PLA2G6: variants seen among roughly 807,000 people sequenced by gnomAD.
The protein encoded by PLA2G6 is 85/88 kDa calcium-independent phospholipase A2.
A neutral mutation model predicts 83.8 loss-of-function variants in PLA2G6; 62 were observed. That is an observed-to-expected ratio of 0.74 (90% confidence interval 0.60 to 0.91). The LOEUF is 0.91. PLA2G6 is among the 40% of genes least tolerant of loss of function. The pLI is 0.00. For synonymous variants in PLA2G6, 417 were observed against 449.8 expected (o/e 0.93, Z 0.92); for missense variants, 944 against 1,102.0 (o/e 0.86, Z 2.03).
intron 2 of PLA2G6, among the ~76,000 whole-genome samples, chr22:38,152,938 C>G (rs955966231): frequency 6.6e-6 from 1 of 151,428 alleles, no homozygotes; most frequent in Non-Finnish European, 1.5e-5. Context: ...ATGGAATGCA[C>G]ATAGGTATAG....
intron 9 of PLA2G6, chr22:38,127,457 G>T: frequency 7.5e-7 from 1 of 1,330,814 alleles, no homozygotes; most frequent in Admixed American, 2.1e-5. Context: ...TTGGGTGACT[G>T]CCTGCAAAAT....
At chr22:38,125,872 T>C (rs990220800) in intron 10 of PLA2G6, among the ~76,000 whole-genome samples, 17 of 152,220 alleles carry the variant, frequency 1.1e-4, no homozygotes, top group Admixed American at 4.6e-4. Flanking sequence ...CCCGGGATTA[T>C]GCCTGAAGGG....
Position 38,112,146 on chromosome 22 carries a change from AG to A in PLA2G6, c.*14del, listed in dbSNP as rs1369792417. On this transcript the variant is annotated 3_prime_UTR_variant, in exon 17 of 17. Coordinates refer to ENST00000332509, the MANE Select transcript of PLA2G6 (RefSeq NM_003560.4). ...TGGACGAGGTCAGCTGGGGCCGGTG[AG>A]AGGCTGGGGACCCTCAGGGTGAGAG... The A allele has an allele frequency of 2.5e-6, 4 of 1,571,300 alleles. No individual in the cohort carries two copies. In the African/African-American group the frequency reaches 4.0e-5, roughly 16 times the overall value.
At chr22:38,129,872 C>T (rs1272908946) in intron 7 of PLA2G6, among the ~76,000 whole-genome samples, 1 of 152,222 alleles carries the variant, frequency 6.6e-6, no homozygotes, top group Non-Finnish European at 1.5e-5. Flanking sequence ...GCATCTGTGA[C>T]CCCGACCCAG....
At chr22:38,181,300 A>G (rs1386368300) in intron 1 of PLA2G6, among the ~76,000 whole-genome samples, 1 of 152,180 alleles carries the variant, frequency 6.6e-6, no homozygotes, top group African/African-American at 2.4e-5. Flanking sequence ...CAGGAGAAGC[A>G]GGGAGTGAGA....
intron 2 of PLA2G6, chr22:38,150,691 G>A (rs1273558698): frequency 6.6e-6 from 1 of 152,152 alleles, no homozygotes; most frequent in East Asian, 1.9e-4. Context: ...AAATAGCAGA[G>A]GGAAAAAAGT....
At chr22:38,143,499 A>C in intron 3 of PLA2G6, 1 of 646,168 alleles carries the variant, frequency 1.5e-6, no homozygotes, top group South Asian at 1.7e-5. Context: ...CAGTTTGCTC[A>C]CTCGTACAAG....
At chr22:38,180,140 G>GACACACACACAC (rs133028) in intron 1 of PLA2G6, among the ~76,000 whole-genome samples, 22 of 137,916 alleles carry the variant, frequency 1.6e-4, no homozygotes, top group Admixed American at 4.4e-4. Context: ...GATGTCTGCA[G>GACACACACACAC]ACACACACAC....
intron 14 of PLA2G6, among the ~76,000 whole-genome samples, chr22:38,114,203 C>T (rs1469953497): frequency 1.4e-5 from 2 of 144,994 alleles, no homozygotes; most frequent in East Asian, 2.0e-4. Context: ...TTTTTTGAGA[C>T]GGAGTCTCGC....
intron 4 of PLA2G6, 61 bp from the exon 5 acceptor site, chr22:38,140,230 G>A (rs1317938229): frequency 9.4e-6 from 14 of 1,494,422 alleles, no homozygotes; most frequent in African/African-American, 4.1e-5. Context: ...TAAAGAGGCC[G>A]GGCGCAGTGG....
chr22:38,120,738 C>G, intron 12 of PLA2G6, 21 bp downstream of exon 12: 1 of 1,613,002 alleles, frequency 6.2e-7, no homozygotes, highest in Non-Finnish European at 8.5e-7. Flanking sequence ...GCGGCCACGG[C>G]CCCAGTGCGC....
chr22:38,128,434 G>T lies in PLA2G6; in HGVS notation c.1187-4C>A, dbSNP rs753861544. The T allele has an allele frequency of 5.6e-6, 9 of 1,614,006 alleles. No individual in the cohort carries two copies. The highest frequency in any genetic ancestry group is 2.2e-5 in the South Asian group (2 of 91,080). ...AAGATCGCCTTCCTGGTGACAACTT[G>T]TCATGGTTTGGGGAAGGGGAGATGG... On this transcript the variant is annotated splice_region_variant and splice_polypyrimidine_tract_variant and intron_variant, in intron 8 of 16. Coordinates refer to ENST00000332509, the MANE Select transcript of PLA2G6 (RefSeq NM_003560.4). The surrounding 1 kb of genome is among the most constrained non-coding windows in gnomAD (Gnocchi z 4.4).
intron 2 of PLA2G6, 100 bp from the exon 3 acceptor site, chr22:38,145,753 G>A: frequency 1.4e-6 from 1 of 713,446 alleles, no homozygotes; most frequent in Non-Finnish European, 2.4e-6. Context: ...CTGCGGCCTG[G>A]CCAGCTCCAG....
chr22:38,165,371 T>C (rs1001223456), intron 2 of PLA2G6, among the ~76,000 whole-genome samples: 1 of 151,850 alleles, frequency 6.6e-6, no homozygotes, highest in Non-Finnish European at 1.5e-5. Context: ...ACGGGTGCCA[T>C]GGGATGCCCA....
intron 12 of PLA2G6, among the ~76,000 whole-genome samples, chr22:38,119,423 C>T (rs1401874519): frequency 6.6e-6 from 1 of 152,142 alleles, no homozygotes; most frequent in Admixed American, 6.5e-5. Flanking sequence ...ATACAAAAAT[C>T]AATTCCAGGT....
intron 2 of PLA2G6, among the ~76,000 whole-genome samples, chr22:38,167,328 C>G (rs1365521253): frequency 6.6e-6 from 1 of 152,140 alleles, no homozygotes; most frequent in Non-Finnish European, 1.5e-5. Context: ...ACTAAATCCT[C>G]CTGGGATGGA....
In PLA2G6 at chr22:38,169,241, G is replaced by C. The variant is rs765525768; in HGVS notation, c.186C>G (p.Pro62=). 2 of 1,613,846 alleles carry C rather than the reference G, an allele frequency of 1.2e-6. No individual in the cohort carries two copies. Among genetic ancestry groups the C allele is most frequent in the Admixed American group, 1.7e-5 (1 of 60,000 alleles). Residue 62 remains proline (P), a synonymous_variant, in exon 2 of 17, where the codon CCC becomes CCG. Coordinates refer to ENST00000332509, the MANE Select transcript of PLA2G6 (RefSeq NM_003560.4). ...ACCGGAATCCACTCTGTGAGTTCCT[G>C]GGGTTGACCAGGACGCAGTCCCAGG... ...NRTWDCVLVN[P]RNSQSGFRLF... is the part of the protein sequence containing the mutation.
chr22:38,116,138 C>G lies in PLA2G6; in HGVS notation c.1816G>C (p.Glu606Gln), dbSNP rs753504383. ...LHLFRNYDAP[E>Q]TVREPRFNQN... is the part of the protein sequence containing the mutation. Reference sequence around the variant, plus strand: ...TTGAAACGAGGCTCCCGGACAGTTTCTGGAGCATCGTAGTTCCGGAAGAGG... The same window carrying G: ...TTGAAACGAGGCTCCCGGACAGTTTGTGGAGCATCGTAGTTCCGGAAGAGG... The change falls in exon 13 of 17, where the codon GAA (glutamate) becomes CAA (glutamine). Residue 606 changes from glutamate (E) to glutamine (Q), a missense_variant. Coordinates refer to ENST00000332509, the MANE Select transcript of PLA2G6 (RefSeq NM_003560.4). The G allele has an allele frequency of 6.2e-7, 1 of 1,614,114 alleles. No homozygotes were observed. Among genetic ancestry groups the G allele is most frequent in the Non-Finnish European group, 8.5e-7 (1 of 1,180,006 alleles).
chr22:38,113,651 G>A lies in PLA2G6; in HGVS notation c.2038C>T (p.Gln680Ter), dbSNP rs758614116. Residue 680 changes from glutamine (Q) to a stop codon, truncating the protein, a stop_gained, in exon 15 of 17, where the codon CAG becomes TAG. Coordinates refer to ENST00000332509, the MANE Select transcript of PLA2G6 (RefSeq NM_003560.4). LOFTEE classifies it high-confidence loss of function. ...GAGAGTTTCTTCACCTTGTTGGCCTGACCCTGTTGGGAACAGGACAGGGGC... is the reference window on the plus strand; with the variant it reads ...GAGAGTTTCTTCACCTTGTTGGCCTAACCCTGTTGGGAACAGGACAGGGGC... ...EYNQDLIRKG[Q>*]ANKVKKLSIV... 6.2e-7 allele frequency: 1 copy of A among 1,613,618 alleles called. No homozygotes were observed. Among genetic ancestry groups the A allele is most frequent in the Non-Finnish European group, 8.5e-7 (1 of 1,179,982 alleles).
Sources: allele counts gnomAD v4.1 joint callset (sites outside exome capture counted in the v4.1 genomes callset), GRCh38; gene constraint gnomAD v4.1.1; non-coding constraint Gnocchi (gnomAD v3.1); transcripts MANE v1.5; gene names NCBI Gene and HGNC (gene_info 2026-07-23, HGNC 2026-07-21).